PTPRD: variants seen among roughly 807,000 people sequenced by gnomAD.
The protein encoded by PTPRD is receptor-type tyrosine-protein phosphatase delta.
A neutral mutation model predicts 214.5 loss-of-function variants in PTPRD; 34 were observed. The observed-to-expected ratio is 0.16, with a 90% CI of 0.12 to 0.21. The LOEUF (loss-of-function observed/expected upper bound fraction) is 0.21, where lower values mean the gene tolerates loss of function less well. Ranked by LOEUF, PTPRD falls within the 10% of genes least tolerant of loss-of-function variation. The pLI, the probability that PTPRD is intolerant of heterozygous loss-of-function variation, is 1.00. For synonymous variants in PTPRD, 1,128 were observed against 845.7 expected (o/e 1.33, Z -5.79); for missense variants, 2,545 against 2,398.7 (o/e 1.06, Z -1.27).
intron 44 of PTPRD, 150 bp downstream of exon 44, chr9:8,331,432 G>C: frequency 1.1e-6 from 1 of 948,766 alleles, no homozygotes; most frequent in Non-Finnish European, 1.5e-6. Flanking sequence ...TTCACTTTAT[G>C]AAAAGAAAGA....
chr9:9,766,928 A>C (rs1194056555), intron 5 of PTPRD, 77 bp from the exon 6 acceptor site: 2 of 152,436 alleles, frequency 1.3e-5, no homozygotes, highest in Non-Finnish European at 2.9e-5. Flanking sequence ...ATATAAAACT[A>C]AAATAAGAAC....
At chr9:9,424,990 G>A (rs2080268578) in intron 8 of PTPRD, among the ~76,000 whole-genome samples, 1 of 152,128 alleles carries the variant, frequency 6.6e-6, no homozygotes, top group Non-Finnish European at 1.5e-5. Context: ...GCTTTGACCG[G>A]TAGATTTCAG....
intron 4 of PTPRD, among the ~76,000 whole-genome samples, chr9:9,952,984 T>C (rs565393709): frequency 1.3e-5 from 2 of 152,224 alleles, no homozygotes; most frequent in East Asian, 1.9e-4. Context: ...GTAAGGAACA[T>C]TGTGGAAGCC....
chr9:9,880,301 C>T (rs2068247509), intron 5 of PTPRD, among the ~76,000 whole-genome samples: 1 of 152,102 alleles, frequency 6.6e-6, no homozygotes, highest in African/African-American at 2.4e-5. Flanking sequence ...TTATAAATCA[C>T]CCAGTCTCAG....
At chr9:10,412,434 C>T (rs1409952873) in intron 2 of PTPRD, among the ~76,000 whole-genome samples, 1 of 151,070 alleles carries the variant, frequency 6.6e-6, no homozygotes, top group Admixed American at 6.6e-5. Context: ...AGCCTGCCAA[C>T]CAAAAAAAAA....
chr9:8,761,466 G>A (rs990603500), intron 11 of PTPRD, among the ~76,000 whole-genome samples: 1 of 152,110 alleles, frequency 6.6e-6, no homozygotes, highest in African/African-American at 2.4e-5. Flanking sequence ...TGTTTATAAT[G>A]ACCATGGATG....
chr9:10,289,872 T>G (rs1466640001), intron 3 of PTPRD, among the ~76,000 whole-genome samples: 1 of 152,186 alleles, frequency 6.6e-6, no homozygotes, highest in Admixed American at 6.5e-5. Context: ...GATAGAATCT[T>G]AAGCAGTGTT....
At chr9:9,710,094 A>T (rs1595763872) in intron 7 of PTPRD, among the ~76,000 whole-genome samples, 1 of 152,220 alleles carries the variant, frequency 6.6e-6, no homozygotes, top group East Asian at 1.9e-4. Flanking sequence ...CATGAATGCC[A>T]TTTTGCTAAG....
At chr9:9,666,898 ATTG>A (rs555138372) in intron 7 of PTPRD, among the ~76,000 whole-genome samples, 184 of 151,880 alleles carry the variant, frequency 1.2e-3, no homozygotes, top group Middle Eastern at 3.4e-3. Flanking sequence ...TTATGGATAC[ATTG>A]TTGTATTTAA....
chr9:10,499,112 T>C (rs1209614541), intron 2 of PTPRD, among the ~76,000 whole-genome samples: 2 of 151,972 alleles, frequency 1.3e-5, no homozygotes, highest in Admixed American at 6.6e-5. Context: ...TCTCAGTTAA[T>C]GTTACATTTG....
chr9:9,085,008 A>G (rs1483251946), intron 10 of PTPRD, among the ~76,000 whole-genome samples: 1 of 152,148 alleles, frequency 6.6e-6, no homozygotes, highest in African/African-American at 2.4e-5. Context: ...TAAAACTTCT[A>G]TCTTTGCTAC....
At chr9:9,937,920 G>T (rs998019083) in intron 5 of PTPRD, among the ~76,000 whole-genome samples, 2 of 152,144 alleles carry the variant, frequency 1.3e-5, no homozygotes, top group African/African-American at 4.8e-5. Flanking sequence ...TTCTGGCTAT[G>T]GATTTCTGAA....
intron 11 of PTPRD, among the ~76,000 whole-genome samples, chr9:8,749,271 T>G (rs2093266878): frequency 6.6e-6 from 1 of 152,094 alleles, no homozygotes; most frequent in South Asian, 2.1e-4. Context: ...AATTTCCGCC[T>G]CCGGGTTCAA....
intron 12 of PTPRD, among the ~76,000 whole-genome samples, chr9:8,687,557 G>T (rs989361569): frequency 6.6e-6 from 1 of 152,182 alleles, no homozygotes; most frequent in Admixed American, 6.5e-5. Context: ...TGTGACTGAA[G>T]TTACAGCCAA....
intron 10 of PTPRD, among the ~76,000 whole-genome samples, chr9:9,048,708 A>G (rs1006685426): frequency 6.6e-6 from 1 of 152,108 alleles, no homozygotes; most frequent in Non-Finnish European, 1.5e-5. Flanking sequence ...GGGATGGTCT[A>G]TTTTAAACAG....
chr9:9,415,230 C>T (rs1370879886), intron 8 of PTPRD, among the ~76,000 whole-genome samples: 3 of 152,118 alleles, frequency 2.0e-5, no homozygotes, highest in Non-Finnish European at 4.4e-5. Context: ...AATCCCAGCA[C>T]TTTGGGAGAC....
At chr9:8,531,975 C>T (rs571103440) in intron 14 of PTPRD, among the ~76,000 whole-genome samples, 20 of 152,172 alleles carry the variant, frequency 1.3e-4, no homozygotes, top group African/African-American at 4.3e-4. Context: ...ATAAAGAACA[C>T]TCCAGAGCCC....
At chr9:8,947,261 A>G (rs1047370794) in intron 11 of PTPRD, among the ~76,000 whole-genome samples, 2 of 151,692 alleles carry the variant, frequency 1.3e-5, no homozygotes, top group African/African-American at 2.4e-5. Context: ...CAGGAGATCA[A>G]GACCATCCTG....
At position 10,258,243 on chromosome 9, in the gene PTPRD, T is replaced by C. The variant is rs527707827; in HGVS notation, c.-545+82720A>G. 3.3e-5 allele frequency among the ~76,000 whole-genome samples: 5 copies of C among 152,140 alleles called. No individual in the cohort carries two copies. In the Middle Eastern group the frequency reaches 0.01, roughly 313 times the overall value. On this transcript the variant is annotated intron_variant, in intron 3 of 45. Coordinates refer to ENST00000381196, the MANE Select transcript of PTPRD (RefSeq NM_002839.4). Reference sequence around the variant, plus strand: ...ATTAATTGAGGTAGTGATTCAGAACTCAGGTTTGACACATTTCTGCTTAGG... The same window carrying C: ...ATTAATTGAGGTAGTGATTCAGAACCCAGGTTTGACACATTTCTGCTTAGG...
Sources: gnomAD v4.1 joint callset for allele counts (sites outside exome capture counted in the v4.1 genomes callset) on GRCh38, gnomAD v4.1.1 for gene constraint, MANE v1.5 for transcripts, NCBI Gene and HGNC (gene_info 2026-07-23, HGNC 2026-07-21) for gene names.